C4orf50: variants seen among roughly 807,000 people sequenced by gnomAD.
C4orf50 encodes the protein uncharacterized protein C4orf50.
In C4orf50, 80 loss-of-function variants were observed where a neutral mutation model predicts 77.2. The ratio of observed to expected loss-of-function variants is 1.04; its 90% CI spans 0.87 to 1.25. C4orf50 has a LOEUF of 1.25. Ranked by LOEUF, C4orf50 falls within the 50% of genes most tolerant of loss-of-function variation. The pLI is 0.00. For synonymous variants in C4orf50, 532 were observed against 465.3 expected (o/e 1.14, Z -1.84); for missense variants, 1,257 against 1,152.9 (o/e 1.09, Z -1.31).
chr4:5,988,727 T>C, exon 28 of C4orf50: 1 of 1,536,140 alleles, frequency 6.5e-7, no homozygotes, highest in African/African-American at 1.4e-5. Context: ...TCCGTGCTCC[T>C]CTGCAAGGTG....
intron 32 of C4orf50, among the ~76,000 whole-genome samples, chr4:5,966,454 G>A (rs147136941): frequency 2.0e-5 from 3 of 151,536 alleles, no homozygotes; most frequent in African/African-American, 4.8e-5. Flanking sequence ...CAGCGTGGGC[G>A]ACAGAGGGAG....
chr4:5,939,585 G>A (rs1718176788), intron 7 of C4orf50, among the ~76,000 whole-genome samples: 1 of 152,202 alleles, frequency 6.6e-6, no homozygotes, highest in East Asian at 1.9e-4. Context: ...CTGCTCTGCT[G>A]TTCAGAGGCT....
At position 5,989,585 on chromosome 4, in the gene C4orf50, G is replaced by A. The variant is rs766647076; in HGVS notation, c.2461C>T (p.Gln821Ter). The stretch of plus-strand genomic sequence containing the variant: ...CACTGCCAGCCCCTGCTGCCCGGCT[G>A]CAGGGTGGACAGCTGCTGGAAACAA... The change falls in exon 28 of 34, where the codon CAG (glutamine) becomes TAG (stop). Residue 821 changes from glutamine (Q) to a stop codon, truncating the protein, a stop_gained. Coordinates refer to ENST00000531445, the Ensembl canonical transcript of C4orf50. LOFTEE classifies it high-confidence loss of function. 6.5e-7 allele frequency: 1 copy of A among 1,536,166 alleles called. No individual in the cohort carries two copies. The highest frequency in any genetic ancestry group is 8.7e-7 in the Non-Finnish European group (1 of 1,146,914).
exon 28 of C4orf50, chr4:5,990,765 T>G (rs1489999901): frequency 2.5e-6 from 1 of 399,006 alleles, no homozygotes; most frequent in African/African-American, 2.1e-5. Flanking sequence ...ACTCCTCTGG[T>G]GGGCAGCCAC....
rs1207348521 is a variant in C4orf50 at position 5,973,889 on chromosome 4, T to C, written c.3922-48A>G. ...ATGCAGAGCTCCCACCAGGGCTGCATGGCTGAGCTGGAGGGCTGGGGGCCG... is the reference window on the plus strand; with the variant it reads ...ATGCAGAGCTCCCACCAGGGCTGCACGGCTGAGCTGGAGGGCTGGGGGCCG... On this transcript the variant is annotated intron_variant, in intron 30 of 33. Coordinates refer to ENST00000531445, the Ensembl canonical transcript of C4orf50. 6 of 1,463,166 alleles carry C rather than the reference T, an allele frequency of 4.1e-6. No homozygotes were observed. In the East Asian group the frequency reaches 9.6e-5, roughly 23 times the overall value. 90.6% of individuals were successfully genotyped at this position (1,463,166 alleles called of 1,614,324 possible).
chr4:5,922,486 T>G (rs960726236), intron 7 of C4orf50, among the ~76,000 whole-genome samples: 1 of 152,096 alleles, frequency 6.6e-6, no homozygotes, highest in Non-Finnish European at 1.5e-5. Context: ...CTGCATCAGG[T>G]GTTGGGGCTA....
At chr4:6,005,671 C>T (rs1455834503) in intron 25 of C4orf50, among the ~76,000 whole-genome samples, 1 of 152,188 alleles carries the variant, frequency 6.6e-6, no homozygotes, top group African/African-American at 2.4e-5. Context: ...GTAAACAGCA[C>T]CTGTCTCACA....
chr4:5,910,697 C>T (rs1716764926), intron 7 of C4orf50, among the ~76,000 whole-genome samples: 2 of 152,244 alleles, frequency 1.3e-5, no homozygotes, highest in African/African-American at 2.4e-5. Flanking sequence ...CAGCATTCTT[C>T]AAGAATCTTC....
Position 6,004,785 on chromosome 4 carries a change from A to G in C4orf50, c.963+3211T>C, listed in dbSNP as rs923120544. On this transcript the variant is annotated intron_variant, in intron 25 of 33. Transcript: ENST00000531445. ...GATGACAGTGATGACGGCGATGGTG[A>G]TGGTGGTGATGGTGATGGTGATGTT... Among the ~76,000 whole-genome samples, 6 of 147,164 alleles carry G rather than the reference A, an allele frequency of 4.1e-5. No homozygotes were observed. The East Asian group carries it at 1.3e-3, about 32-fold the overall frequency.
At position 5,901,122 on chromosome 4, in the gene C4orf50, A is replaced by T. The variant is rs1403438827; in HGVS notation, c.*2475-2934T>A. On this transcript the variant is annotated intron_variant, in intron 7 of 7. Coordinates refer to the C4orf50 transcript ENST00000324058. The surrounding 1 kb of genome is among the most constrained non-coding windows in gnomAD (Gnocchi z 4.4). ...GCCAACTAGCTGGCTGTTGCTAATC[A>T]TAATCTATGAATGTGCAGTACAACC... 1.3e-5 allele frequency: 2 copies of T among 152,238 alleles called. No individual in the cohort carries two copies. The highest frequency in any genetic ancestry group is 4.1e-4 in the South Asian group (2 of 4,828). 9.4% of individuals were successfully genotyped at this position (152,238 alleles called of 1,614,324 possible). A position where few individuals can be genotyped will look rare whatever the true frequency, so the allele number is the denominator to read the frequency against.
At chr4:5,927,544 T>C (rs1013350844) in intron 7 of C4orf50, among the ~76,000 whole-genome samples, 3 of 151,484 alleles carry the variant, frequency 2.0e-5, no homozygotes, top group East Asian at 2.0e-4. Flanking sequence ...ATGGGGGAGG[T>C]TCCCCCATGC....
chr4:5,982,845 G>C (rs574284392), intron 28 of C4orf50, among the ~76,000 whole-genome samples: 5 of 152,268 alleles, frequency 3.3e-5, no homozygotes, highest in African/African-American at 1.2e-4. Flanking sequence ...AGAGGAGAAA[G>C]CTGGGTGCAG....
intron 7 of C4orf50, among the ~76,000 whole-genome samples, chr4:5,933,793 C>T (rs1475585056): frequency 1.3e-5 from 2 of 152,178 alleles, no homozygotes; most frequent in Non-Finnish European, 2.9e-5. Context: ...TGCACTGACG[C>T]ACCCCTGGGA....
intron 7 of C4orf50, among the ~76,000 whole-genome samples, chr4:5,941,366 A>C (rs1718258008): frequency 6.6e-6 from 1 of 152,170 alleles, no homozygotes; most frequent in South Asian, 2.1e-4. Flanking sequence ...AGCAGAGCTG[A>C]GACCGGAACT....
intron 31 of C4orf50, among the ~76,000 whole-genome samples, chr4:5,971,624 G>A (rs2108773238): frequency 6.6e-6 from 1 of 152,174 alleles, no homozygotes; most frequent in South Asian, 2.1e-4. Flanking sequence ...CTCTCGTTCT[G>A]GGCTCTCAAG....
chr4:5,938,894 T>C (rs567146866), intron 7 of C4orf50, among the ~76,000 whole-genome samples: 7 of 152,246 alleles, frequency 4.6e-5, no homozygotes, highest in African/African-American at 1.7e-4. Context: ...GGCGTCTCCA[T>C]CAAATAGCTT....
Position 5,964,507 on chromosome 4 carries a change from T to G in C4orf50, c.4275+517A>C, listed in dbSNP as rs1577939010. On this transcript the variant is annotated intron_variant, in intron 33 of 33. Coordinates refer to ENST00000531445, the Ensembl canonical transcript of C4orf50. ...CAGACCAGCTGGGTATGGTGGCTCA[T>G]GCCTGTAATCCCAGCACTTTGGGAG... Among the ~76,000 whole-genome samples, 5 of 152,114 alleles carry G rather than the reference T, an allele frequency of 3.3e-5. 1 individual carries two copies. The highest frequency in any genetic ancestry group is 3.3e-4 in the Admixed American group (5 of 15,280).
chr4:5,995,156 C>T lies in C4orf50; in HGVS notation c.964-680G>A, dbSNP rs904691598. On this transcript the variant is annotated intron_variant, in intron 25 of 33. Coordinates refer to ENST00000531445, the Ensembl canonical transcript of C4orf50. Reference sequence around the variant, plus strand: ...AGCTCCACCCTTCCTGTGCAGAGGTCCAGGGCCTCCTCCCTGGGTGGGGGC... The same window carrying T: ...AGCTCCACCCTTCCTGTGCAGAGGTTCAGGGCCTCCTCCCTGGGTGGGGGC... Among the ~76,000 whole-genome samples the T allele has an allele frequency of 2.6e-5, 4 of 152,074 alleles. No individual in the cohort carries two copies. The South Asian group carries it at 8.3e-4, about 32-fold the overall frequency.
chr4:6,016,627 T>G (rs1046788619), intron 23 of C4orf50, among the ~76,000 whole-genome samples: 1 of 152,128 alleles, frequency 6.6e-6, no homozygotes, highest in Non-Finnish European at 1.5e-5. Flanking sequence ...TCCAAGGGCC[T>G]ATAGACAACG....
Sources: gnomAD v4.1 joint callset for allele counts (sites outside exome capture counted in the v4.1 genomes callset) on GRCh38, gnomAD v4.1.1 for gene constraint, Gnocchi (gnomAD v3.1) non-coding constraint, MANE v1.5 for transcripts, NCBI Gene and HGNC (gene_info 2026-07-23, HGNC 2026-07-21) for gene names.